The following THADA variants were observed in gnomAD, a reference collection of about 807,000 sequenced individuals.
THADA encodes the protein tRNA (32-2'-O)-methyltransferase regulator THADA.
THADA carries 213 observed loss-of-function variants against 219.8 expected under a neutral mutation model. The ratio of observed to expected loss-of-function variants is 0.97; its 90% CI spans 0.87 to 1.09. The LOEUF is 1.09. Ranked by LOEUF, THADA falls within the 50% of genes least tolerant of loss-of-function variation. The pLI, the probability that THADA is intolerant of heterozygous loss-of-function variation, is 0.00. For missense variants in THADA, 2,956 were observed against 2,311.3 expected, an observed-to-expected ratio of 1.28 and a Z score of -5.72; for synonymous variants, 1,018 against 828.9, an observed-to-expected ratio of 1.23 and a Z score of -3.92.
intron 7 of THADA, among the ~76,000 whole-genome samples, chr2:43,585,034 G>A (rs767514409): frequency 1.3e-5 from 2 of 152,198 alleles, no homozygotes; most frequent in African/African-American, 4.8e-5. Flanking sequence ...GTTTGGAAGA[G>A]TCTTCCGTGG....
At chr2:43,280,056 T>C (rs993309903) in intron 35 of THADA, among the ~76,000 whole-genome samples, 160 bp from the exon 36 acceptor site, 2 of 152,126 alleles carry the variant, frequency 1.3e-5, no homozygotes, top group Non-Finnish European at 1.5e-5. Flanking sequence ...TAGACAAACA[T>C]TGGCAAAGAC....
chr2:43,303,914 T>G (rs1162865235), intron 31 of THADA, among the ~76,000 whole-genome samples: 1 of 152,140 alleles, frequency 6.6e-6, no homozygotes, highest in African/African-American at 2.4e-5. Flanking sequence ...AAAGTTACAT[T>G]TCCTAACAAA....
At chr2:43,248,677 T>C (rs112933931) in intron 36 of THADA, among the ~76,000 whole-genome samples, 2,159 of 152,296 alleles carry the variant, frequency 0.014, 45 homozygotes, top group African/African-American at 0.047. Flanking sequence ...GGTCAAAATA[T>C]TGAAATCAAA....
At chr2:43,486,432 C>G (rs1207997843) in intron 25 of THADA, 1 of 152,158 alleles carries the variant, frequency 6.6e-6, no homozygotes, top group Non-Finnish European at 1.5e-5. Flanking sequence ...TATATATGTA[C>G]TCACCTTGCT....
chr2:43,263,939 C>T (rs1330150495), intron 36 of THADA, among the ~76,000 whole-genome samples: 3 of 152,070 alleles, frequency 2.0e-5, no homozygotes, highest in African/African-American at 7.2e-5. Context: ...TAAATATCAC[C>T]CTGTCTCCCC....
At chr2:43,537,524 T>C (rs1034798339) in intron 21 of THADA, among the ~76,000 whole-genome samples, 3 of 152,094 alleles carry the variant, frequency 2.0e-5, no homozygotes, top group Non-Finnish European at 4.4e-5. Flanking sequence ...CAAAAGAAAA[T>C]ACAAAAAGCA....
chr2:43,561,886 T>C, intron 15 of THADA, among the ~76,000 whole-genome samples: 1 of 152,228 alleles, frequency 6.6e-6, no homozygotes. Context: ...TGTGGTTGTG[T>C]TACAAATGTC....
At chr2:43,528,065 A>G in intron 21 of THADA, 77 bp from the exon 22 acceptor site, 2 of 990,088 alleles carry the variant, frequency 2.0e-6, no homozygotes, top group Non-Finnish European at 3.1e-6. Context: ...AACACTGTTT[A>G]GAACCCAGGT....
At chr2:43,295,393 T>C (rs1376126537) in intron 31 of THADA, among the ~76,000 whole-genome samples, 1 of 152,254 alleles carries the variant, frequency 6.6e-6, no homozygotes, top group African/African-American at 2.4e-5. Flanking sequence ...ACTAGCCCTC[T>C]TCGGTTTGAG....
At chr2:43,574,249 A>C (rs1699597850) in intron 11 of THADA, 87 bp downstream of exon 11, 1 of 917,448 alleles carries the variant, frequency 1.1e-6, no homozygotes, top group Non-Finnish European at 1.6e-6. Flanking sequence ...GTGATATTTA[A>C]ATTTGAATAT....
intron 18 of THADA, 60 bp from the exon 19 acceptor site, chr2:43,551,985 A>G: frequency 6.3e-7 from 1 of 1,579,888 alleles, no homozygotes; most frequent in Admixed American, 1.9e-5. Flanking sequence ...TTAAAAATGA[A>G]AATTAGATAA....
intron 26 of THADA, among the ~76,000 whole-genome samples, chr2:43,460,332 G>A (rs1196269830): frequency 7.0e-6 from 1 of 143,094 alleles, no homozygotes; most frequent in Non-Finnish European, 1.5e-5. Context: ...GTCAGCATAA[G>A]AAAGAGTTGG....
chr2:43,297,176 C>T (rs1215650843), intron 31 of THADA, among the ~76,000 whole-genome samples: 3 of 92,100 alleles, frequency 3.3e-5, no homozygotes, highest in East Asian at 2.7e-4. Context: ...ATGTGGGGAG[C>T]GCCTCTGCCC....
At chr2:43,235,817 T>G (rs1488948850) in intron 36 of THADA, among the ~76,000 whole-genome samples, 1 of 151,802 alleles carries the variant, frequency 6.6e-6, no homozygotes, top group Non-Finnish European at 1.5e-5. Context: ...GCACCATTTT[T>G]TTTTTTTGAG....
At position 43,574,941 on chromosome 2, in the gene THADA, G is replaced by T. The variant is rs959545488; in HGVS notation, c.1124C>A (p.Ser375Tyr). ...NSAIQVLESSSPSLTDSLNGN... is the reference protein window; with the variant it reads ...NSAIQVLESSYPSLTDSLNGN... ...ATTCAGGCTGTCCGTTAGGCTCGGG[G>T]AACTTGATTCAAGGACTTGTATGGC... Residue 375 changes from serine (S) to tyrosine (Y), a missense_variant, in exon 11 of 38, where the codon TCC (serine) becomes TAC (tyrosine). Physicochemically the swap from Ser to Tyr is moderately radical, Grantham distance 144 (BLOSUM62 -2). Coordinates refer to ENST00000405975, the MANE Select transcript of THADA (RefSeq NM_022065.5). 1 of 1,613,974 alleles carries T rather than the reference G, an allele frequency of 6.2e-7. No individual in the cohort carries two copies. Among genetic ancestry groups the T allele is most frequent in the South Asian group, 1.1e-5 (1 of 91,084 alleles).
At chr2:43,377,557 C>T (rs900603396) in intron 29 of THADA, among the ~76,000 whole-genome samples, 3 of 152,008 alleles carry the variant, frequency 2.0e-5, no homozygotes, top group Non-Finnish European at 4.4e-5. Flanking sequence ...AAGCTTACAG[C>T]GATGAAAAAC....
intron 36 of THADA, among the ~76,000 whole-genome samples, chr2:43,248,158 T>TAGAGAGAGAGAGAGAGAGAGAGAGAGAG (rs1558464105): frequency 7.7e-5 from 5 of 65,188 alleles, no homozygotes; most frequent in East Asian, 3.2e-4. Flanking sequence ...TATATATATA[T>TAGAGAGAGAGAGAGAGAGAGAGAGAGAG]ATATATAGAG....
At chr2:43,271,033 A>C (rs1672057903) in intron 36 of THADA, among the ~76,000 whole-genome samples, 1 of 152,098 alleles carries the variant, frequency 6.6e-6, no homozygotes, top group Admixed American at 6.5e-5. Flanking sequence ...GGGCTCTGGG[A>C]GGAAGGGGCC....
rs538402166 is a variant in THADA, at chr2:43,373,067, CAA to C, written c.4227+24902_4227+24903del. Among the ~76,000 whole-genome samples the C allele has an allele frequency of 4.0e-5, 6 of 151,854 alleles. No individual in the cohort carries two copies. In the South Asian group the frequency reaches 1.2e-3, roughly 32 times the overall value. ...ATTTCTAATGCTACCAATAGGAAAACAAAGAGGAAAAAAAGAAAAGAAAATAC... is the reference window on the plus strand; with the variant it reads ...ATTTCTAATGCTACCAATAGGAAAACAGAGGAAAAAAAGAAAAGAAAATAC... On this transcript the variant is annotated intron_variant, in intron 29 of 37. Coordinates refer to ENST00000405975, the MANE Select transcript of THADA (RefSeq NM_022065.5).
Sources: allele counts gnomAD v4.1 joint callset (sites outside exome capture counted in the v4.1 genomes callset), GRCh38; gene constraint gnomAD v4.1.1; transcripts MANE v1.5; gene names NCBI Gene and HGNC (gene_info 2026-07-23, HGNC 2026-07-21).